Variants in WDR72 observed in about 807,000 individuals in gnomAD.
WDR72 encodes WD repeat domain 72.
A neutral mutation model predicts 124.2 loss-of-function variants in WDR72; 120 were observed. That is an observed-to-expected ratio of 0.97 (90% CI 0.83 to 1.12). The LOEUF (loss-of-function observed/expected upper bound fraction) is 1.12, where lower values mean the gene tolerates loss of function less well. WDR72 is among the 50% of genes most tolerant of loss of function. WDR72 has a pLI of 0.00. For synonymous variants in WDR72, 452 were observed against 441.7 expected (o/e 1.02, Z -0.29); for missense variants, 1,387 against 1,278.8 (o/e 1.08, Z -1.29).
chr15:53,651,103 C>T (rs1215090310), intron 14 of WDR72, among the ~76,000 whole-genome samples: 2 of 152,088 alleles, frequency 1.3e-5, no homozygotes, highest in Non-Finnish European at 2.9e-5. Flanking sequence ...CCCCCATACT[C>T]CTCTTGAGTC....
chr15:53,566,509 G>A (rs1292477944), intron 18 of WDR72, among the ~76,000 whole-genome samples: 1 of 151,916 alleles, frequency 6.6e-6, no homozygotes, highest in Non-Finnish European at 1.5e-5. Flanking sequence ...AGGTGACAGT[G>A]GGAGATATCT....
chr15:53,712,433 T>C (rs1385623931), intron 7 of WDR72, among the ~76,000 whole-genome samples: 1 of 152,042 alleles, frequency 6.6e-6, no homozygotes, highest in Non-Finnish European at 1.5e-5. Context: ...CGGTCTCTCC[T>C]AAAAATACAA....
intron 18 of WDR72, among the ~76,000 whole-genome samples, chr15:53,559,508 C>T (rs1384921294): frequency 1.3e-5 from 2 of 151,984 alleles, no homozygotes; most frequent in Non-Finnish European, 2.9e-5. Context: ...TCTGAAAGAA[C>T]CACCTTCTTT....
chr15:53,547,353 A>C (rs1893523033), intron 18 of WDR72, among the ~76,000 whole-genome samples: 1 of 152,138 alleles, frequency 6.6e-6, no homozygotes, highest in Admixed American at 6.5e-5. Flanking sequence ...GCTGGTCTCG[A>C]ACTCCCAACC....
At chr15:53,687,998 G>A (rs977025433) in intron 13 of WDR72, among the ~76,000 whole-genome samples, 1 of 147,022 alleles carries the variant, frequency 6.8e-6, no homozygotes, top group Non-Finnish European at 1.5e-5. Flanking sequence ...AAAGGCCTTT[G>A]ACAAAATTCA....
At chr15:53,731,072 T>C (rs1215095105) in intron 2 of WDR72, among the ~76,000 whole-genome samples, 1 of 152,208 alleles carries the variant, frequency 6.6e-6, no homozygotes, top group Non-Finnish European at 1.5e-5. Context: ...ATCAATAACT[T>C]CTTTGTGTAA....
chr15:53,722,667 T>C lies in WDR72; in HGVS notation c.260+135A>G, dbSNP rs76299991. The C allele has an allele frequency of 3.9e-3, 2,947 of 753,720 alleles. 65 individuals carry two copies. In the African/African-American group the frequency reaches 0.047, roughly 12 times the overall value. The allele number at this position is 753,720 out of a possible 1,614,324, so 46.7% of individuals were successfully genotyped here. A position where few individuals can be genotyped will look rare whatever the true frequency, so the allele number is the denominator to read the frequency against. On this transcript the variant is annotated intron_variant, in intron 3 of 19. Transcript: ENST00000360509. Reference sequence around the variant, plus strand: ...TCACACAAGTTATTCAAACTTTCTATATCTAAATGTTCCTATATGTGAGAG... The same window carrying C: ...TCACACAAGTTATTCAAACTTTCTACATCTAAATGTTCCTATATGTGAGAG...
chr15:53,737,710 G>T (rs576662484), intron 1 of WDR72, among the ~76,000 whole-genome samples: 8 of 152,192 alleles, frequency 5.3e-5, no homozygotes, highest in Non-Finnish European at 1.2e-4. Context: ...GACACGGAGA[G>T]ATTTTACATG....
In WDR72 at chr15:53,523,320, G is replaced by A. The variant is rs747522802; in HGVS notation, c.3151C>T (p.Pro1051Ser). 5.5e-5 allele frequency: 88 copies of A among 1,609,744 alleles called. 1 individual carries two copies. Among genetic ancestry groups the A allele is most frequent in the Non-Finnish European group, 6.8e-5 (80 of 1,178,524 alleles). Residue 1051 changes from proline to serine, a missense_variant and splice_region_variant, in exon 19 of 20, where the codon CCA becomes TCA. By Grantham distance (74) the Pro-to-Ser change is moderately conservative. Transcript: ENST00000360509. ...CVRNTLPLQTPVSPVKHDSNS... is the reference protein window; with the variant it reads ...CVRNTLPLQTSVSPVKHDSNS... Reference sequence around the variant, plus strand: ...CTGTCATGCTTGACCGGGCTGACTGGAGCTATTAAAAGAGAGAGAGAGAGA... The same window carrying A: ...CTGTCATGCTTGACCGGGCTGACTGAAGCTATTAAAAGAGAGAGAGAGAGA...
intron 1 of WDR72, among the ~76,000 whole-genome samples, chr15:53,745,780 C>T (rs576117076): frequency 6.6e-5 from 10 of 152,124 alleles, no homozygotes; most frequent in Middle Eastern, 6.8e-3. Flanking sequence ...TCACAATTAC[C>T]GCTCTTTCCT....
chr15:53,528,345 T>G (rs1892240639), intron 18 of WDR72, among the ~76,000 whole-genome samples: 1 of 152,122 alleles, frequency 6.6e-6, no homozygotes, highest in Non-Finnish European at 1.5e-5. Context: ...TACTTTGTCT[T>G]CAGTGTGAAC....
chr15:53,609,391 T>C, intron 17 of WDR72, 122 bp downstream of exon 17: 2 of 850,196 alleles, frequency 2.4e-6, no homozygotes, highest in African/African-American at 1.7e-5. Context: ...TCTATGTCTG[T>C]TCAAAGGCCA....
intron 1 of WDR72, among the ~76,000 whole-genome samples, chr15:53,744,313 C>CT (rs1232128484): frequency 2.0e-5 from 3 of 152,130 alleles, no homozygotes; most frequent in African/African-American, 7.2e-5. Context: ...TTACATAAAA[C>CT]TTGTCTAGAA....
chr15:53,658,589 T>C (rs2015508338), intron 14 of WDR72, among the ~76,000 whole-genome samples: 1 of 152,082 alleles, frequency 6.6e-6, no homozygotes, highest in Admixed American at 6.6e-5. Flanking sequence ...ACACGGAAGA[T>C]AAACTGATAA....
At chr15:53,724,408 T>C (rs1159739158) in intron 2 of WDR72, among the ~76,000 whole-genome samples, 1 of 152,190 alleles carries the variant, frequency 6.6e-6, no homozygotes, top group Non-Finnish European at 1.5e-5. Context: ...GACCAAGTAA[T>C]TCATGAAGAA....
chr15:53,539,912 AAG>A (rs1892979840), intron 18 of WDR72, among the ~76,000 whole-genome samples: 1 of 152,214 alleles, frequency 6.6e-6, no homozygotes, highest in African/African-American at 2.4e-5. Flanking sequence ...ATCAAAAACA[AAG>A]AGTTAAGCAA....
At chr15:53,600,775 T>G (rs1229000610) in intron 17 of WDR72, among the ~76,000 whole-genome samples, 1 of 152,168 alleles carries the variant, frequency 6.6e-6, no homozygotes, top group African/African-American at 2.4e-5. Flanking sequence ...AAGCAACATT[T>G]CTAGCTGGAG....
At chr15:53,672,310 A>AC (rs1555421936) in intron 13 of WDR72, among the ~76,000 whole-genome samples, 1 of 40,848 alleles carries the variant, frequency 2.4e-5, no homozygotes, top group African/African-American at 1.1e-4. Flanking sequence ...TTAAATGCCG[A>AC]TTAAAAAAAA....
At chr15:53,603,265 A>C (rs1178527968) in intron 17 of WDR72, among the ~76,000 whole-genome samples, 1 of 152,218 alleles carries the variant, frequency 6.6e-6, no homozygotes. Flanking sequence ...GAAGCAGAAA[A>C]GGCTCTCAAT....
Sources: allele counts gnomAD v4.1 joint callset (sites outside exome capture counted in the v4.1 genomes callset), GRCh38; gene constraint gnomAD v4.1.1; transcripts MANE v1.5; gene names NCBI Gene and HGNC (gene_info 2026-07-23, HGNC 2026-07-21).